The following MYO16 variants were observed in gnomAD, a reference collection of about 807,000 sequenced individuals.
The protein encoded by MYO16 is unconventional myosin-XVI.
Under a neutral mutation model 205.3 loss-of-function variants are expected in MYO16, and 94 were observed. That is an observed-to-expected ratio of 0.46 (90% CI 0.39 to 0.54). The LOEUF is 0.54. Among genes scored for constraint, MYO16 ranks in the 20% least tolerant of loss-of-function variants. The pLI, the probability that MYO16 is intolerant of heterozygous loss-of-function variation, is 0.00. For missense variants in MYO16, 2,315 were observed against 2,387.5 expected, an observed-to-expected ratio of 0.97 and a Z score of 0.63; for synonymous variants, 988 against 954.0, an observed-to-expected ratio of 1.04 and a Z score of -0.66.
chr13:108,934,983 G>A (rs937284417), intron 16 of MYO16, among the ~76,000 whole-genome samples: 9 of 152,008 alleles, frequency 5.9e-5, no homozygotes, highest in Non-Finnish European at 1.2e-4. Context: ...TGGTCTATGT[G>A]TCTGTTTTTG....
intron 33 of MYO16, among the ~76,000 whole-genome samples, chr13:109,169,034 C>T (rs1009714847): frequency 6.6e-6 from 1 of 152,130 alleles, no homozygotes; most frequent in Non-Finnish European, 1.5e-5. Flanking sequence ...ACCTTGCCAC[C>T]CTTCTGAGTC....
intron 4 of MYO16, among the ~76,000 whole-genome samples, chr13:108,784,662 T>A (rs1281865257): frequency 6.6e-6 from 1 of 152,204 alleles, no homozygotes; most frequent in Non-Finnish European, 1.5e-5. Flanking sequence ...TTATGTAAAG[T>A]TATAAATTGG....
chr13:108,600,508 CTT>C (rs1878724811), intron 1 of MYO16, among the ~76,000 whole-genome samples: 1 of 152,098 alleles, frequency 6.6e-6, no homozygotes, highest in African/African-American at 2.4e-5. Context: ...ATTCAGAAGA[CTT>C]TAAGTTCCAT....
intron 16 of MYO16, among the ~76,000 whole-genome samples, chr13:108,917,310 G>A (rs891277220): frequency 1.3e-5 from 2 of 152,188 alleles, no homozygotes; most frequent in African/African-American, 2.4e-5. Flanking sequence ...TGGCTCCTGC[G>A]TAGGGATGGG....
chr13:108,521,351 A>G, the MYO16 span, among the ~76,000 whole-genome samples: 8 of 152,348 alleles, frequency 5.3e-5, no homozygotes, highest in South Asian at 1.7e-3. Context: ...ATCAATACAG[A>G]CTATATAAGA....
intron 27 of MYO16, among the ~76,000 whole-genome samples, chr13:109,076,889 C>A (rs181230348): frequency 2.0e-5 from 3 of 152,124 alleles, no homozygotes; most frequent in Admixed American, 6.5e-5. Context: ...CTGATTCTCT[C>A]TATATATTTT....
At chr13:108,970,600 G>T (rs551000334) in intron 20 of MYO16, among the ~76,000 whole-genome samples, 2 of 152,290 alleles carry the variant, frequency 1.3e-5, no homozygotes, top group African/African-American at 4.8e-5. Flanking sequence ...CAGGAACAAG[G>T]AGGTGAGGGA....
intron 2 of MYO16, among the ~76,000 whole-genome samples, chr13:108,712,168 C>T (rs1270989268): frequency 6.6e-6 from 1 of 152,134 alleles, no homozygotes; most frequent in South Asian, 2.1e-4. Flanking sequence ...TGGCTTTGTT[C>T]TGACGTGCTT....
At chr13:108,701,415 G>A (rs1260390592) in intron 2 of MYO16, among the ~76,000 whole-genome samples, 1 of 151,968 alleles carries the variant, frequency 6.6e-6, no homozygotes, top group Non-Finnish European at 1.5e-5. Context: ...TCGTGGGAGT[G>A]GCCCCCTTTT....
intron 12 of MYO16, among the ~76,000 whole-genome samples, chr13:108,881,348 A>C (rs1454348320): frequency 6.6e-6 from 1 of 152,220 alleles, no homozygotes; most frequent in Non-Finnish European, 1.5e-5. Context: ...AAACCAGAGC[A>C]GAAAAGCTGA....
intron 4 of MYO16, among the ~76,000 whole-genome samples, chr13:108,751,171 G>A (rs913136680): frequency 6.6e-6 from 1 of 151,764 alleles, no homozygotes; most frequent in Admixed American, 6.6e-5. Context: ...CAAAATCTTG[G>A]TTCCCCATAT....
chr13:109,046,857 AATTTATT>A (rs1887060280), intron 23 of MYO16, 52 bp from the exon 24 acceptor site: 1 of 1,391,016 alleles, frequency 7.2e-7, no homozygotes, highest in Non-Finnish European at 1.0e-6. Flanking sequence ...CCTTTAAAGG[AATTTATT>A]TTCACAGTCA....
At chr13:108,525,911 C>A in the MYO16 span, among the ~76,000 whole-genome samples, 2 of 150,570 alleles carry the variant, frequency 1.3e-5, no homozygotes, top group African/African-American at 4.9e-5. Context: ...AGTGTGGCAA[C>A]AGATGCTGCT....
At chr13:108,806,636 AC>A (rs1252787594) in intron 6 of MYO16, 42 bp from the exon 7 acceptor site, 2 of 1,588,768 alleles carry the variant, frequency 1.3e-6, no homozygotes, top group Admixed American at 1.7e-5. Context: ...CATGAATATC[AC>A]TACTTTAAAA....
intron 15 of MYO16, among the ~76,000 whole-genome samples, chr13:108,900,788 G>T (rs1880670083): frequency 6.6e-6 from 1 of 152,176 alleles, no homozygotes; most frequent in South Asian, 2.1e-4. Flanking sequence ...CAGGATAACA[G>T]CAATGTTCAG....
chr13:108,869,659 A>G (rs1168532181), intron 12 of MYO16, among the ~76,000 whole-genome samples: 4 of 135,012 alleles, frequency 3.0e-5, no homozygotes, highest in Non-Finnish European at 6.2e-5. Context: ...TGAACCCGGG[A>G]GGCGGAGGTT....
intron 11 of MYO16, among the ~76,000 whole-genome samples, chr13:108,863,385 A>G (rs1346935090): frequency 1.3e-5 from 2 of 152,082 alleles, no homozygotes; most frequent in African/African-American, 4.8e-5. Context: ...ATGATTTTCA[A>G]AGTTATTTTT....
At chr13:108,808,093 T>A (rs920550689) in intron 7 of MYO16, among the ~76,000 whole-genome samples, 1 of 152,180 alleles carries the variant, frequency 6.6e-6, no homozygotes, top group Non-Finnish European at 1.5e-5. Flanking sequence ...GCAGAAAAAA[T>A]TAGATTCTGA....
chr13:108,988,405 T>A (rs981788881), intron 20 of MYO16, among the ~76,000 whole-genome samples: 1 of 152,208 alleles, frequency 6.6e-6, no homozygotes, highest in African/African-American at 2.4e-5. Flanking sequence ...TGCTTTAAAC[T>A]TGCATTTAGT....
Sources: allele counts gnomAD v4.1 joint callset (sites outside exome capture counted in the v4.1 genomes callset), GRCh38; gene constraint gnomAD v4.1.1; transcripts MANE v1.5; gene names NCBI Gene and HGNC (gene_info 2026-07-23, HGNC 2026-07-21).